The following ARHGEF38 variants were observed in gnomAD, a reference collection of about 807,000 sequenced individuals.
ARHGEF38 encodes the protein Rho guanine nucleotide exchange factor (GEF) 38.
ARHGEF38 carries 79 observed loss-of-function variants against 79.9 expected under a neutral mutation model. That is an observed-to-expected ratio of 0.99 (90% confidence interval 0.82 to 1.19). The LOEUF (loss-of-function observed/expected upper bound fraction) is 1.19. ARHGEF38 is among the 50% of genes most tolerant of loss of function. The pLI is 0.00. For synonymous variants in ARHGEF38, 366 were observed against 328.3 expected, an observed-to-expected ratio of 1.11 and a Z score of -1.24; for missense variants, 962 against 907.2, an observed-to-expected ratio of 1.06 and a Z score of -0.78.
intron 8 of ARHGEF38, among the ~76,000 whole-genome samples, chr4:105,654,406 T>A (rs976318567): frequency 6.6e-6 from 1 of 152,232 alleles, no homozygotes; most frequent in Admixed American, 6.5e-5. Flanking sequence ...ATTGTGGGAC[T>A]TTTTTGCTCA....
In ARHGEF38 at chr4:105,660,715, T is replaced by C. The variant is rs146238387; in HGVS notation, c.1545+1350T>C. On this transcript the variant is annotated intron_variant, in intron 10 of 13. Transcript: ENST00000420470. The stretch of plus-strand genomic sequence containing the variant: ...TCGGCCTTCCAAAGTGCTGGGATTA[T>C]AGGCATGAGCCACTGCGCCCAGCCT... 2.2e-3 allele frequency among the ~76,000 whole-genome samples: 330 copies of C among 152,254 alleles called. 2 individuals carry two copies. The highest frequency in any genetic ancestry group is 7.4e-3 in the African/African-American group (308 of 41,556).
In ARHGEF38 at chr4:105,666,312, C is replaced by G; in HGVS notation, c.1681C>G (p.Gln561Glu). 1.3e-6 allele frequency: 2 copies of G among 1,525,548 alleles called. No homozygotes were observed. Among genetic ancestry groups the G allele is most frequent in the Non-Finnish European group, 8.7e-7 (1 of 1,143,200 alleles). 94.5% of individuals were successfully genotyped at this position (1,525,548 alleles called of 1,614,324 possible). ...KLSFEKKKPV[Q>E]ILPEMPHQTD... is the part of the protein sequence containing the mutation. ...CAGTTTTGAAAAGAAGAAACCTGTG[C>G]AGATTCTGGTGAGTTTGGCAGCATT... is the stretch of plus-strand genomic sequence containing the variant. The change falls in exon 11 of 14, where the codon CAG (glutamine) becomes GAG (glutamate). Residue 561 changes from glutamine (Q) to glutamate (E), a missense_variant. By Grantham distance (29) the Gln-to-Glu change is conservative. Transcript: ENST00000420470.
rs1449107020 is a variant in ARHGEF38 at position 105,655,689 on chromosome 4, C to T, written c.1200C>T (p.Thr400=). Residue 400 remains threonine, a synonymous_variant, in exon 9 of 14, where the codon ACC becomes ACT. Coordinates refer to ENST00000420470, the MANE Select transcript of ARHGEF38 (RefSeq NM_001242729.2). ...ACGATGAGATGGACTATTCTGAGAC[C>T]CTAAGTAATGCCTTAAATTCGTGTC... The part of the protein sequence containing the change: ...NKDDEMDYSE[T]LSNALNSCHD... The T allele has an allele frequency of 6.5e-7, 1 of 1,535,248 alleles. No homozygotes were observed. The highest frequency in any genetic ancestry group is 2.4e-5 in the East Asian group (1 of 40,868).
chr4:105,666,973 C>T (rs939399083), intron 11 of ARHGEF38, among the ~76,000 whole-genome samples, 156 bp from the exon 12 acceptor site: 4 of 152,114 alleles, frequency 2.6e-5, no homozygotes, highest in South Asian at 2.1e-4. Flanking sequence ...GGGTACTTTA[C>T]GATAATAGCC....
chr4:105,553,142 C>T (rs573217428), intron 1 of ARHGEF38, among the ~76,000 whole-genome samples, 181 bp downstream of exon 1: 22 of 152,054 alleles, frequency 1.4e-4, no homozygotes, highest in African/African-American at 4.8e-4. Context: ...AAATTTATTA[C>T]GTGATTCAAT....
At chr4:105,553,040 C>T (rs1180206161) in intron 1 of ARHGEF38, 79 bp downstream of exon 1, 5 of 1,187,728 alleles carry the variant, frequency 4.2e-6, no homozygotes, top group Non-Finnish European at 5.9e-6. Context: ...GCAAAGAAAA[C>T]ACACAAGGCA....
chr4:105,624,046 C>T (rs1728846505), intron 3 of ARHGEF38, among the ~76,000 whole-genome samples: 1 of 152,138 alleles, frequency 6.6e-6, no homozygotes, highest in African/African-American at 2.4e-5. Context: ...CTGCTCTTTT[C>T]CTTTCTCTGT....
intron 1 of ARHGEF38, among the ~76,000 whole-genome samples, chr4:105,587,377 G>A (rs1466923209): frequency 6.6e-6 from 1 of 152,176 alleles, no homozygotes; most frequent in Non-Finnish European, 1.5e-5. Context: ...CAGGATTGGA[G>A]GGCTACAGGA....
chr4:105,583,923 T>C (rs1726913927), intron 1 of ARHGEF38, among the ~76,000 whole-genome samples: 1 of 152,212 alleles, frequency 6.6e-6, no homozygotes, highest in South Asian at 2.1e-4. Context: ...TCTCTTTCTT[T>C]GGAGCATTAT....
At chr4:105,574,401 T>A (rs1238068241) in intron 1 of ARHGEF38, among the ~76,000 whole-genome samples, 1 of 151,576 alleles carries the variant, frequency 6.6e-6, no homozygotes, top group Non-Finnish European at 1.5e-5. Context: ...CAAAAAAAAA[T>A]TTAGCCAGGC....
chr4:105,580,409 G>A (rs565163467), intron 1 of ARHGEF38, among the ~76,000 whole-genome samples: 2 of 152,252 alleles, frequency 1.3e-5, no homozygotes, highest in African/African-American at 4.8e-5. Context: ...ATTCTGGTAT[G>A]TTGCGTCTTT....
intron 7 of ARHGEF38, among the ~76,000 whole-genome samples, chr4:105,649,463 C>G (rs1729999194): frequency 6.6e-6 from 1 of 152,196 alleles, no homozygotes; most frequent in Non-Finnish European, 1.5e-5. Context: ...AAGTTATCAA[C>G]AGAACACACT....
intron 1 of ARHGEF38, among the ~76,000 whole-genome samples, chr4:105,569,148 T>G (rs1726092801): frequency 6.6e-6 from 1 of 152,218 alleles, no homozygotes; most frequent in African/African-American, 2.4e-5. Context: ...TTTAATCATC[T>G]CCTTGCCCAT....
At position 105,667,214 on chromosome 4, in the gene ARHGEF38, A is replaced by C; in HGVS notation, c.1775A>C (p.Lys592Thr). Residue 592 changes from lysine (K) to threonine (T), a missense_variant, in exon 12 of 14, where the codon AAG becomes ACG. Lys to Thr is a moderately conservative substitution (Grantham distance 78, BLOSUM62 -1). Coordinates refer to ENST00000420470, the MANE Select transcript of ARHGEF38 (RefSeq NM_001242729.2). The stretch of plus-strand genomic sequence containing the variant: ...GAGGAACTCTATCAAGCTAAGCGCA[A>C]GTGCAATGCTACACAAGAATATGAC... ...SAEELYQAKR[K>T]CNATQEYDIN... The C allele has an allele frequency of 6.5e-7, 1 of 1,536,184 alleles. No individual in the cohort carries two copies.
chr4:105,649,398 GA>G (rs1273150588), intron 7 of ARHGEF38, among the ~76,000 whole-genome samples: 2 of 152,164 alleles, frequency 1.3e-5, no homozygotes, highest in Non-Finnish European at 1.5e-5. Context: ...GTACAATCTA[GA>G]AGTCTGTATT....
intron 9 of ARHGEF38, among the ~76,000 whole-genome samples, chr4:105,656,211 C>G (rs1429452328): frequency 6.6e-6 from 1 of 152,050 alleles, no homozygotes; most frequent in Non-Finnish European, 1.5e-5. Flanking sequence ...CACACCACCA[C>G]ACCTAGAAGA....
intron 3 of ARHGEF38, among the ~76,000 whole-genome samples, chr4:105,615,617 G>A (rs1728481455): frequency 6.6e-6 from 1 of 152,136 alleles, no homozygotes; most frequent in Non-Finnish European, 1.5e-5. Flanking sequence ...ATTTGTCATG[G>A]ACTTTTCCTT....
intron 5 of ARHGEF38, among the ~76,000 whole-genome samples, chr4:105,642,574 A>G (rs1729665236): frequency 6.6e-6 from 1 of 152,154 alleles, no homozygotes; most frequent in Non-Finnish European, 1.5e-5. Flanking sequence ...AGTTCTTAAC[A>G]TTTTACTTCC....
intron 1 of ARHGEF38, among the ~76,000 whole-genome samples, chr4:105,572,885 C>G (rs186334343): frequency 6.6e-6 from 1 of 152,282 alleles, no homozygotes; most frequent in Non-Finnish European, 1.5e-5. Flanking sequence ...TCTCCACATC[C>G]TTGCCAACAC....
Sources: gnomAD v4.1 joint callset for allele counts (sites outside exome capture counted in the v4.1 genomes callset) on GRCh38, gnomAD v4.1.1 for gene constraint, MANE v1.5 for transcripts, NCBI Gene and HGNC (gene_info 2026-07-23, HGNC 2026-07-21) for gene names.